The following IFT80 variants were observed in gnomAD, a reference collection of about 807,000 sequenced individuals.
The protein encoded by IFT80 is intraflagellar transport 80.
A neutral mutation model predicts 107.9 loss-of-function variants in IFT80; 79 were observed. The observed-to-expected ratio is 0.73, with a 90% CI of 0.61 to 0.88. The LOEUF (loss-of-function observed/expected upper bound fraction) is 0.88. IFT80 is among the 40% of genes least tolerant of loss of function. The probability of loss-of-function intolerance (pLI) is 0.00; values close to 1 mark genes in which losing one functional copy is unlikely to be tolerated. For missense variants in IFT80, 797 were observed against 914.2 expected, an observed-to-expected ratio of 0.87 and a Z score of 1.65; for synonymous variants, 299 against 300.9, an observed-to-expected ratio of 0.99 and a Z score of 0.07.
chr3:160,268,366 T>C lies in IFT80; in HGVS notation c.2223+47A>G, dbSNP rs1319126032. 5 of 1,504,472 alleles carry C rather than the reference T, an allele frequency of 3.3e-6. No individual in the cohort carries two copies. Among genetic ancestry groups the C allele is most frequent in the African/African-American group, 2.8e-5 (2 of 72,252 alleles). 93.2% of individuals were successfully genotyped at this position (1,504,472 alleles called of 1,614,324 possible). On this transcript the variant is annotated intron_variant, in intron 19 of 19. Transcript: ENST00000326448. Reference sequence around the variant, plus strand: ...GTCTCATTAGGATGAATATGACATATACTTATAAAGCATATGTATTATTAT... The same window carrying C: ...GTCTCATTAGGATGAATATGACATACACTTATAAAGCATATGTATTATTAT...
chr3:160,315,786 CAG>C (rs1397015494), intron 9 of IFT80, among the ~76,000 whole-genome samples: 10 of 151,972 alleles, frequency 6.6e-5, no homozygotes, highest in Non-Finnish European at 1.2e-4. Context: ...TTTTCCAAAC[CAG>C]AGAGTTGGAG....
Position 160,258,443 on chromosome 3 carries a change from C to T in IFT80, c.*82G>A. 1 of 1,570,678 alleles carries T rather than the reference C, an allele frequency of 6.4e-7. No individual in the cohort carries two copies. The highest frequency in any genetic ancestry group is 1.7e-5 in the Admixed American group (1 of 57,250). The stretch of plus-strand genomic sequence containing the variant: ...ACTCGGTTAAAGATTATGCTTTTTT[C>T]TTTAGCAACCAAAACATGCTTACCC... On this transcript the variant is annotated 3_prime_UTR_variant, in exon 20 of 20. Coordinates refer to ENST00000326448, the MANE Select transcript of IFT80 (RefSeq NM_020800.3).
At chr3:160,362,485 T>C (rs1721564621) in intron 6 of IFT80, among the ~76,000 whole-genome samples, 2 of 152,132 alleles carry the variant, frequency 1.3e-5, no homozygotes, top group Admixed American at 6.5e-5. Context: ...TTCCAATCAA[T>C]AGAAAACGAG....
At position 160,268,484 on chromosome 3, in the gene IFT80, A is replaced by G; in HGVS notation, c.2152T>C (p.Tyr718His). 1.9e-6 allele frequency: 3 copies of G among 1,613,302 alleles called. No individual in the cohort carries two copies. The highest frequency in any genetic ancestry group is 1.7e-6 in the Non-Finnish European group (2 of 1,179,342). ...AATGTCTCCAAAAACTTTTGACGGT[A>G]AGCAAGAACTGTATCAACATGTGTT... ...YKTHVDTVLAYRQKFLETFGK... is the reference protein window; with the variant it reads ...YKTHVDTVLAHRQKFLETFGK... The change falls in exon 19 of 20, where the codon TAC becomes CAC. Residue 718 changes from tyrosine (Y) to histidine (H), a missense_variant. Physicochemically the swap from Tyr to His is moderately conservative, Grantham distance 83. Coordinates refer to ENST00000326448, the MANE Select transcript of IFT80 (RefSeq NM_020800.3).
chr3:160,273,319 A>G (rs926779337), intron 18 of IFT80, among the ~76,000 whole-genome samples: 1 of 152,206 alleles, frequency 6.6e-6, no homozygotes, highest in East Asian at 1.9e-4. Flanking sequence ...AGAGGTCAAG[A>G]GTGATACGAC....
chr3:160,396,636 T>C (rs918416636), intron 1 of IFT80, among the ~76,000 whole-genome samples: 1 of 152,286 alleles, frequency 6.6e-6, no homozygotes, highest in East Asian at 1.9e-4. Context: ...AAATTGCAGA[T>C]AGAGATTACT....
intron 8 of IFT80, among the ~76,000 whole-genome samples, chr3:160,323,719 T>C (rs1348986514): frequency 6.6e-6 from 1 of 151,620 alleles, no homozygotes; most frequent in African/African-American, 2.4e-5. Flanking sequence ...TTAAAAGAAC[T>C]AGAAAAGCAA....
intron 8 of IFT80, among the ~76,000 whole-genome samples, chr3:160,346,267 C>T (rs2108344246): frequency 6.6e-6 from 1 of 152,196 alleles, no homozygotes; most frequent in East Asian, 1.9e-4. Flanking sequence ...AACGTTATCA[C>T]TACAAAAAAT....
At chr3:160,322,917 T>C (rs1718364937) in intron 8 of IFT80, among the ~76,000 whole-genome samples, 1 of 151,836 alleles carries the variant, frequency 6.6e-6, no homozygotes, top group Non-Finnish European at 1.5e-5. Context: ...TTTGAGTTCA[T>C]TGTAGATTCT....
At chr3:160,345,776 A>T (rs756384473) in intron 8 of IFT80, among the ~76,000 whole-genome samples, 5 of 151,878 alleles carry the variant, frequency 3.3e-5, no homozygotes, top group Non-Finnish European at 7.4e-5. Flanking sequence ...GGAGGTGGGA[A>T]TAGTTAATAG....
At chr3:160,334,502 C>T (rs1478734314) in intron 8 of IFT80, among the ~76,000 whole-genome samples, 7 of 151,712 alleles carry the variant, frequency 4.6e-5, no homozygotes, top group African/African-American at 1.2e-4. Context: ...CTGCAACCTC[C>T]GCCTCCCAGG....
At chr3:160,325,934 TG>T (rs973274150) in intron 8 of IFT80, among the ~76,000 whole-genome samples, 18 of 152,208 alleles carry the variant, frequency 1.2e-4, no homozygotes, top group African/African-American at 3.6e-4. Context: ...ATGCTCAACC[TG>T]TATAACAATA....
intron 1 of IFT80, among the ~76,000 whole-genome samples, chr3:160,396,791 A>G (rs2108428558): frequency 6.6e-6 from 1 of 152,340 alleles, no homozygotes; most frequent in African/African-American, 2.4e-5. Flanking sequence ...AAATATTGGC[A>G]ACAATCAACC....
intron 2 of IFT80, chr3:160,383,980 C>T: frequency 2.0e-6 from 2 of 983,066 alleles, no homozygotes; most frequent in Non-Finnish European, 1.2e-6. Context: ...CGCGGTGGCT[C>T]ATGCCTGTAA....
intron 18 of IFT80, among the ~76,000 whole-genome samples, chr3:160,270,773 T>C (rs770371768): frequency 7.2e-5 from 11 of 152,108 alleles, no homozygotes; most frequent in Admixed American, 4.6e-4. Context: ...CTGATTCCAG[T>C]TGTGTATGTG....
intron 1 of IFT80, among the ~76,000 whole-genome samples, chr3:160,395,303 T>G (rs1440812522): frequency 1.3e-5 from 2 of 152,180 alleles, no homozygotes; most frequent in East Asian, 3.8e-4. Context: ...GACAAATTAG[T>G]TATGATGATT....
At chr3:160,259,144 A>G (rs1298740666) in intron 19 of IFT80, among the ~76,000 whole-genome samples, 3 of 152,124 alleles carry the variant, frequency 2.0e-5, no homozygotes, top group Non-Finnish European at 4.4e-5. Flanking sequence ...CAAAAACCAC[A>G]AAGTAGTTTT....
chr3:160,312,058 G>A (rs775220611), intron 9 of IFT80, among the ~76,000 whole-genome samples: 8 of 152,198 alleles, frequency 5.3e-5, no homozygotes, highest in Non-Finnish European at 1.0e-4. Context: ...TGGGATTACA[G>A]GCATGAGCTA....
intron 5 of IFT80, among the ~76,000 whole-genome samples, chr3:160,371,529 C>A (rs1041089142): frequency 6.6e-6 from 1 of 152,144 alleles, no homozygotes; most frequent in South Asian, 2.1e-4. Context: ...GTAGCCCCAA[C>A]GCCCACGGGC....
Sources: gnomAD v4.1 joint callset for allele counts (sites outside exome capture counted in the v4.1 genomes callset) on GRCh38, gnomAD v4.1.1 for gene constraint, MANE v1.5 for transcripts, NCBI Gene and HGNC (gene_info 2026-07-23, HGNC 2026-07-21) for gene names.